TULP4: variants seen among roughly 807,000 people sequenced by gnomAD.
The protein encoded by TULP4 is TUB like protein 4, also known as tubby-related protein 4.
TULP4 carries 16 observed loss-of-function variants against 129.0 expected under a neutral mutation model. The observed-to-expected ratio is 0.12, with a 90% CI of 0.08 to 0.19. TULP4 has a LOEUF of 0.19. Among genes scored for constraint, TULP4 ranks in the 10% least tolerant of loss-of-function variants. The pLI, the probability that TULP4 is intolerant of heterozygous loss-of-function variation, is 1.00. For missense variants in TULP4, 1,842 were observed against 2,059.1 expected (o/e 0.89, Z 2.04); for synonymous variants, 998 against 854.0 (o/e 1.17, Z -2.94).
chr6:158,365,433 A>G (rs1583799882), intron 1 of TULP4, among the ~76,000 whole-genome samples: 2 of 133,854 alleles, frequency 1.5e-5, no homozygotes, highest in South Asian at 4.9e-4. Flanking sequence ...TTTCTTGTGT[A>G]TCTCTTTGGA....
In TULP4 at chr6:158,413,115, T is replaced by C. The variant is rs765015147; in HGVS notation, c.303T>C (p.Asp101=). 7.4e-6 allele frequency: 12 copies of C among 1,613,900 alleles called. No homozygotes were observed. The highest frequency in any genetic ancestry group is 5.0e-5 in the Admixed American group (3 of 60,002). The change falls in exon 2 of 14, where the codon GAT becomes GAC. Residue 101 remains aspartate, a synonymous_variant. Transcript: ENST00000367097. The surrounding 1 kb of genome is among the most constrained non-coding windows in gnomAD (Gnocchi z 4.9). Reference sequence around the variant, plus strand: ...CCTACCAGAAACTGGCCACGTGCGATGCGGACGGAGGCATATTCGTGTGGA... The same window carrying C: ...CCTACCAGAAACTGGCCACGTGCGACGCGGACGGAGGCATATTCGTGTGGA... ...NEPYQKLATC[D]ADGGIFVWIQ...
At chr6:158,458,372 A>C (rs940463495) in intron 5 of TULP4, among the ~76,000 whole-genome samples, 1 of 151,866 alleles carries the variant, frequency 6.6e-6, no homozygotes, top group Non-Finnish European at 1.5e-5. Flanking sequence ...GAAAACCCAC[A>C]CCCCCCAAAA....
intron 1 of TULP4, among the ~76,000 whole-genome samples, chr6:158,304,198 T>C (rs968079398): frequency 4.6e-5 from 7 of 152,180 alleles, no homozygotes; most frequent in African/African-American, 1.4e-4. Context: ...GGTTGAACTT[T>C]CCAAGCAAGT....
chr6:158,310,986 A>G (rs568878476), upstream of TULP4, among the ~76,000 whole-genome samples: 7 of 151,526 alleles, frequency 4.6e-5, no homozygotes, highest in Non-Finnish European at 8.8e-5. Context: ...TTTTTAATCT[A>G]TGACTACTGG....
At chr6:158,396,624 A>AATAAT (rs1392385403) in intron 1 of TULP4, among the ~76,000 whole-genome samples, 1 of 152,206 alleles carries the variant, frequency 6.6e-6, no homozygotes, top group Admixed American at 6.5e-5. Context: ...AAAGCATATA[A>AATAAT]ATAATATATA....
Position 158,501,982 on chromosome 6 carries a change from G to A in TULP4, c.2319G>A (p.Leu773=). ...MGRIIQNPPP[L]SLPPPPQGPM... ...GCATCATTCAGAACCCCCCTCCACT[G>A]TCCCTGCCTCCCCCGCCGCAGGGGC... is the stretch of plus-strand genomic sequence containing the variant. Residue 773 remains leucine, a synonymous_variant, in exon 13 of 14, where the codon CTG becomes CTA. Transcript: ENST00000367097. The A allele has an allele frequency of 6.2e-7, 1 of 1,612,238 alleles. No homozygotes were observed. The highest frequency in any genetic ancestry group is 8.5e-7 in the Non-Finnish European group (1 of 1,179,584).
At chr6:158,490,407 A>G (rs1433208208) in intron 9 of TULP4, among the ~76,000 whole-genome samples, 1 of 152,208 alleles carries the variant, frequency 6.6e-6, no homozygotes, top group Non-Finnish European at 1.5e-5. Flanking sequence ...AAATAAATAA[A>G]TAATAAATAA....
chr6:158,315,388 C>T (rs1405334150), intron 1 of TULP4, among the ~76,000 whole-genome samples: 3 of 152,042 alleles, frequency 2.0e-5, no homozygotes, highest in Non-Finnish European at 4.4e-5. Context: ...ACTTAATCAC[C>T]TCCTATAAAG....
chr6:158,336,601 C>T (rs1326425753), intron 1 of TULP4, among the ~76,000 whole-genome samples: 1 of 152,046 alleles, frequency 6.6e-6, no homozygotes, highest in Non-Finnish European at 1.5e-5. Context: ...GTATTTTGTC[C>T]TCATTAGGGG....
At chr6:158,314,393 G>A (rs1779438991) in intron 1 of TULP4, 125 bp downstream of exon 1, 4 of 1,183,810 alleles carry the variant, frequency 3.4e-6, no homozygotes, top group East Asian at 2.4e-5. Flanking sequence ...CCCATGCTGT[G>A]AGTTCTGTCT....
intron 1 of TULP4, among the ~76,000 whole-genome samples, chr6:158,260,025 A>T (rs1387815661): frequency 1.3e-5 from 2 of 152,184 alleles, no homozygotes. Flanking sequence ...ATCGTTGGTC[A>T]TGTGATTGAG....
chr6:158,442,520 C>T (rs1778921771), intron 3 of TULP4, among the ~76,000 whole-genome samples: 1 of 151,956 alleles, frequency 6.6e-6, no homozygotes, highest in African/African-American at 2.4e-5. Flanking sequence ...CACTCGCGGT[C>T]TTCTGATCAA....
rs1156600135 is a variant in TULP4, at chr6:158,509,363, C to T, written c.*2669C>T. The T allele has an allele frequency of 1.3e-5, 2 of 151,176 alleles. No individual in the cohort carries two copies. Among genetic ancestry groups the T allele is most frequent in the African/African-American group, 4.9e-5 (2 of 41,060 alleles). The allele number at this position is 151,176 out of a possible 1,614,324, so 9.4% of individuals were successfully genotyped here. A position where few individuals can be genotyped will look rare whatever the true frequency, so the allele number is the denominator to read the frequency against. On this transcript the variant is annotated 3_prime_UTR_variant, in exon 14 of 14. Coordinates refer to ENST00000367097, the MANE Select transcript of TULP4 (RefSeq NM_020245.5). ...CTTCTTTTGAAAATTTTATTTTTAT[C>T]TGAAAATAACAGTTGATCTGAAATA...
At chr6:158,390,946 T>C (rs1777569787) in intron 1 of TULP4, among the ~76,000 whole-genome samples, 1 of 152,086 alleles carries the variant, frequency 6.6e-6, no homozygotes, top group Admixed American at 6.6e-5. Context: ...AAAAATTAGA[T>C]GTGGGGGTCT....
chr6:158,321,939 C>G (rs1435604878), intron 1 of TULP4, among the ~76,000 whole-genome samples: 1 of 152,110 alleles, frequency 6.6e-6, no homozygotes, highest in African/African-American at 2.4e-5. Flanking sequence ...TAAGAATGGT[C>G]TCCCTTGCAG....
chr6:158,436,869 T>G (rs1270571662), intron 3 of TULP4, among the ~76,000 whole-genome samples: 2 of 152,308 alleles, frequency 1.3e-5, no homozygotes, highest in Middle Eastern at 3.4e-3. Context: ...GCATTTAGTT[T>G]TGTGTTTTTT....
chr6:158,302,406 G>T (rs1779147736), intron 1 of TULP4, among the ~76,000 whole-genome samples: 1 of 152,224 alleles, frequency 6.6e-6, no homozygotes. Flanking sequence ...GGGTTGGACA[G>T]CTCCCATAGG....
intron 1 of TULP4, among the ~76,000 whole-genome samples, chr6:158,267,568 C>T (rs571704390): frequency 5.2e-4 from 79 of 152,306 alleles, no homozygotes; most frequent in African/African-American, 1.9e-3. Context: ...TGTTAGGCCT[C>T]TGTGTACAGT....
intron 1 of TULP4, among the ~76,000 whole-genome samples, chr6:158,403,075 T>A (rs705944): frequency 6.6e-6 from 1 of 151,942 alleles, no homozygotes; most frequent in Non-Finnish European, 1.5e-5. Flanking sequence ...TGAATATCCA[T>A]CAATTGCCGG....
Sources: allele counts gnomAD v4.1 joint callset (sites outside exome capture counted in the v4.1 genomes callset), GRCh38; gene constraint gnomAD v4.1.1; non-coding constraint Gnocchi (gnomAD v3.1); transcripts MANE v1.5; gene names NCBI Gene and HGNC (gene_info 2026-07-23, HGNC 2026-07-21).